Variants in SOX6 observed in about 807,000 individuals in gnomAD.
SOX6 encodes transcription factor SOX-6.
A neutral mutation model predicts 97.8 loss-of-function variants in SOX6; 11 were observed. The ratio of observed to expected loss-of-function variants is 0.11; its 90% CI spans 0.07 to 0.19. SOX6 has a LOEUF of 0.19. Among genes scored for constraint, SOX6 ranks in the 10% least tolerant of loss-of-function variants. SOX6 has a pLI of 1.00. For missense variants in SOX6, 810 were observed against 1,039.5 expected (o/e 0.78, Z 3.04); for synonymous variants, 360 against 371.4 (o/e 0.97, Z 0.35).
chr11:16,535,808 A>G (rs1246495771), intron 4 of SOX6, among the ~76,000 whole-genome samples: 1 of 152,238 alleles, frequency 6.6e-6, no homozygotes, highest in Non-Finnish European at 1.5e-5. Context: ...TGTAAAAATT[A>G]CCAAACACTG....
chr11:16,073,743 C>G (rs1219546492), intron 9 of SOX6, among the ~76,000 whole-genome samples: 2 of 152,156 alleles, frequency 1.3e-5, no homozygotes, highest in Non-Finnish European at 2.9e-5. Context: ...CAAACATACT[C>G]TCAGACCACA....
chr11:16,060,681 C>T (rs1474751699), intron 9 of SOX6, among the ~76,000 whole-genome samples: 1 of 151,852 alleles, frequency 6.6e-6, no homozygotes, highest in Non-Finnish European at 1.5e-5. Flanking sequence ...AGCTCACCCT[C>T]TAAACTAACA....
intron 1 of SOX6, among the ~76,000 whole-genome samples, chr11:16,467,734 T>C (rs1488461199): frequency 6.6e-6 from 1 of 152,138 alleles, no homozygotes; most frequent in African/African-American, 2.4e-5. Flanking sequence ...CAAACCCTCA[T>C]GACACAAGTT....
intron 4 of SOX6, among the ~76,000 whole-genome samples, chr11:16,555,137 G>C (rs1420881879): frequency 1.3e-5 from 2 of 151,690 alleles, no homozygotes; most frequent in East Asian, 3.9e-4. Flanking sequence ...AAAATTCACA[G>C]CCAAAAATAA....
chr11:16,134,031 TA>T (rs1353262337), intron 6 of SOX6, among the ~76,000 whole-genome samples: 1 of 152,244 alleles, frequency 6.6e-6, no homozygotes, highest in Non-Finnish European at 1.5e-5. Context: ...GTGATGATAA[TA>T]ATGATTATAG....
At chr11:16,259,544 A>G (rs963103706) in intron 3 of SOX6, among the ~76,000 whole-genome samples, 6 of 152,198 alleles carry the variant, frequency 3.9e-5, no homozygotes, top group Non-Finnish European at 7.4e-5. Context: ...AGCTACAGTT[A>G]GTAAATAGCT....
At chr11:16,004,570 A>G (rs1854497185) in intron 13 of SOX6, among the ~76,000 whole-genome samples, 1 of 152,048 alleles carries the variant, frequency 6.6e-6, no homozygotes, top group African/African-American at 2.4e-5. Context: ...GAGACAATCC[A>G]ATCTGATGGG....
chr11:16,605,995 T>C lies in SOX6; in HGVS notation n.609+6086A>G, dbSNP rs1194784397. 6.6e-6 allele frequency: 1 copy of C among 152,216 alleles called. No individual in the cohort carries two copies. The highest frequency in any genetic ancestry group is 1.5e-5 in the Non-Finnish European group (1 of 68,072). The allele number at this position is 152,216 out of a possible 1,614,324, so 9.4% of individuals were successfully genotyped here. Reference sequence around the variant, plus strand: ...AGGTTGGATATTGTCTACGTATGGATCAGCCCTTGGATGAGGGTTTATTTT... The same window carrying C: ...AGGTTGGATATTGTCTACGTATGGACCAGCCCTTGGATGAGGGTTTATTTT... On this transcript the variant is annotated intron_variant and non_coding_transcript_variant, in intron 4 of 5. Coordinates refer to the SOX6 transcript ENST00000524520. The surrounding 1 kb of genome is among the most constrained non-coding windows in gnomAD (Gnocchi z 5.3).
chr11:16,172,995 T>A (rs1851079783), intron 6 of SOX6, among the ~76,000 whole-genome samples: 1 of 151,910 alleles, frequency 6.6e-6, no homozygotes, highest in Non-Finnish European at 1.5e-5. Flanking sequence ...ATGCCTTTTT[T>A]TTCCTGGGCT....
At chr11:16,114,571 CA>C (rs994761802) in intron 6 of SOX6, among the ~76,000 whole-genome samples, 2 of 152,106 alleles carry the variant, frequency 1.3e-5, no homozygotes, top group Admixed American at 6.6e-5. Flanking sequence ...AGCAATAAAA[CA>C]AGCAATAGTT....
At chr11:15,981,565 C>A (rs1000565795) in intron 15 of SOX6, among the ~76,000 whole-genome samples, 1 of 151,968 alleles carries the variant, frequency 6.6e-6, no homozygotes, top group East Asian at 1.9e-4. Context: ...GCTGATACTG[C>A]AGGAAGGAAC....
chr11:16,319,570 C>A (rs575519372), intron 2 of SOX6, among the ~76,000 whole-genome samples: 92 of 150,638 alleles, frequency 6.1e-4, no homozygotes, highest in African/African-American at 2.1e-3. Flanking sequence ...AGTGTTCCCA[C>A]CTACGAGTGA....
chr11:16,586,830 A>G (rs1300274384), intron 4 of SOX6, among the ~76,000 whole-genome samples: 1 of 152,272 alleles, frequency 6.6e-6, no homozygotes, highest in African/African-American at 2.4e-5. Context: ...TGTGAAGCTC[A>G]TAGAAGTACA....
chr11:16,608,021 C>T (rs1848356003), intron 4 of SOX6, among the ~76,000 whole-genome samples: 1 of 151,704 alleles, frequency 6.6e-6, no homozygotes, highest in African/African-American at 2.4e-5. Flanking sequence ...GGTGAAGCAA[C>T]TACTAGGGGA....
At chr11:16,107,666 C>T (rs1488703855) in intron 7 of SOX6, among the ~76,000 whole-genome samples, 2 of 151,626 alleles carry the variant, frequency 1.3e-5, no homozygotes, top group African/African-American at 4.8e-5. Flanking sequence ...TATTTAATGG[C>T]TACAGCATTT....
In SOX6 at chr11:15,970,129, T is replaced by A. The variant is rs754456106; in HGVS notation, c.*2680A>T. On this transcript the variant is annotated 3_prime_UTR_variant, in exon 16 of 16. Coordinates refer to ENST00000683767, the MANE Select transcript of SOX6 (RefSeq NM_001367873.1). ...AGTCGAAACAGATGACTTTTGTTCA[T>A]GTAGTTTTCGTACAACAGTTTCACA... 6.6e-6 allele frequency: 1 copy of A among 152,340 alleles called. No homozygotes were observed. The highest frequency in any genetic ancestry group is 1.5e-5 in the Non-Finnish European group (1 of 68,038). The allele number at this position is 152,340 out of a possible 1,614,324, so 9.4% of individuals were successfully genotyped here.
At chr11:16,603,266 A>T (rs1274636158) in intron 4 of SOX6, among the ~76,000 whole-genome samples, 1 of 152,180 alleles carries the variant, frequency 6.6e-6, no homozygotes, top group East Asian at 1.9e-4. Flanking sequence ...TGGCTGCAGA[A>T]ATCTGGTCTC....
At chr11:16,735,887 T>A (rs1848387457) in intron 2 of SOX6, among the ~76,000 whole-genome samples, 1 of 152,144 alleles carries the variant, frequency 6.6e-6, no homozygotes, top group South Asian at 2.1e-4. Context: ...CTTCAAAGCC[T>A]TTATTTCCTC....
intron 4 of SOX6, among the ~76,000 whole-genome samples, chr11:16,497,328 G>A (rs530065617): frequency 4.6e-5 from 7 of 152,128 alleles, no homozygotes; most frequent in South Asian, 4.2e-4. Context: ...TGTCACCATC[G>A]TCAAAGACAA....
Sources: gnomAD v4.1 joint callset for allele counts (sites outside exome capture counted in the v4.1 genomes callset) on GRCh38, gnomAD v4.1.1 for gene constraint, Gnocchi (gnomAD v3.1) non-coding constraint, MANE v1.5 for transcripts, NCBI Gene and HGNC (gene_info 2026-07-23, HGNC 2026-07-21) for gene names.